The following SETD2 variants were observed in gnomAD, a reference collection of about 807,000 sequenced individuals.
SETD2 encodes the protein SET domain containing 2, histone lysine methyltransferase.
A neutral mutation model predicts 242.1 loss-of-function variants in SETD2; 31 were observed. That is an observed-to-expected ratio of 0.13 (90% CI 0.10 to 0.17). SETD2 has a LOEUF of 0.17. Ranked by LOEUF, SETD2 falls within the 10% of genes least tolerant of loss-of-function variation. The pLI is 1.00. For synonymous variants in SETD2, 1,006 were observed against 1,066.5 expected (o/e 0.94, Z 1.11); for missense variants, 2,481 against 3,046.3 (o/e 0.81, Z 4.37).
At chr3:47,155,825 T>G (rs1326983042) in intron 1 of SETD2, among the ~76,000 whole-genome samples, 1 of 152,006 alleles carries the variant, frequency 6.6e-6, no homozygotes, top group Non-Finnish European at 1.5e-5. Flanking sequence ...TAAAAAAGTG[T>G]TTTTTTGTTT....
At chr3:47,127,995 A>T (rs73079690) in intron 1 of SETD2, among the ~76,000 whole-genome samples, 32 of 23,472 alleles carry the variant, frequency 1.4e-3, no homozygotes, top group Middle Eastern at 0.024. Flanking sequence ...TCTCTCTCTC[A>T]CACACACACA....
At chr3:47,065,027 T>C (rs2040501343) in intron 13 of SETD2, among the ~76,000 whole-genome samples, 1 of 152,052 alleles carries the variant, frequency 6.6e-6, no homozygotes, top group Non-Finnish European at 1.5e-5. Context: ...CACACCAGAC[T>C]AGATATTTAC....
chr3:47,116,748 C>A lies in SETD2; in HGVS notation c.4461G>T (p.Lys1487Asn). The change falls in exon 4 of 21, where the codon AAG becomes AAT. Residue 1487 changes from lysine (K) to asparagine (N), a missense_variant. Lys to Asn is a moderately conservative substitution (Grantham distance 94). Transcript: ENST00000409792. ...GCTTAATATCTCGATGAGATTTATT[C>A]TTCTTTCTATTGGGTAAAATTTCAT... ...EENVYLTERKKNKSHRDIKRM... is the reference protein window; with the variant it reads ...EENVYLTERKNNKSHRDIKRM... 1 of 1,594,228 alleles carries A rather than the reference C, an allele frequency of 6.3e-7. No individual in the cohort carries two copies. The highest frequency in any genetic ancestry group is 1.1e-5 in the South Asian group (1 of 88,864).
At position 47,017,623 on chromosome 3, in the gene SETD2, A is replaced by G; in HGVS notation, c.7533+15T>C. ...AGAACATTGCCTGGTGGGCTACCAA[A>G]AGCAAGGGGAGTACCTTGCGAGCCA... On this transcript the variant is annotated intron_variant, in intron 20 of 20. Coordinates refer to ENST00000409792, the MANE Select transcript of SETD2 (RefSeq NM_014159.7). This position sits in a 1 kb window ranked among gnomAD's most constrained non-coding sequence, Gnocchi z 4.8. 6.3e-7 allele frequency: 1 copy of G among 1,581,880 alleles called. No individual in the cohort carries two copies. The highest frequency in any genetic ancestry group is 2.2e-5 in the East Asian group (1 of 44,722).
At chr3:47,075,538 T>A (rs1475041199) in intron 12 of SETD2, among the ~76,000 whole-genome samples, 1 of 117,540 alleles carries the variant, frequency 8.5e-6, no homozygotes, top group African/African-American at 3.4e-5. Context: ...CACTCCAGCC[T>A]GGGCAACAAA....
intron 2 of SETD2, 39 bp from the exon 3 acceptor site, chr3:47,124,587 A>G (rs1445494876): frequency 1.4e-5 from 20 of 1,480,500 alleles, no homozygotes; most frequent in South Asian, 4.1e-5. Context: ...ACTACAATAA[A>G]TAGTTACTTT....
chr3:47,127,574 T>G (rs778162643), intron 1 of SETD2: 12 of 452,106 alleles, frequency 2.7e-5, no homozygotes, highest in South Asian at 1.9e-4. Context: ...TTAAAAATAA[T>G]TTTTAGGCCA....
rs183442934 is a variant in SETD2, at chr3:47,016,484, G to C, written c.*609C>G. The C allele has an allele frequency of 4.3e-6, 1 of 232,760 alleles. No homozygotes were observed. The highest frequency in any genetic ancestry group is 6.1e-5 in the East Asian group (1 of 16,436). 14.4% of individuals were successfully genotyped at this position (232,760 alleles called of 1,614,324 possible). On this transcript the variant is annotated 3_prime_UTR_variant, in exon 21 of 21. Coordinates refer to ENST00000409792, the MANE Select transcript of SETD2 (RefSeq NM_014159.7). Reference sequence around the variant, plus strand: ...TACATAAAAAGTTCAGTAAAAATTGGATAAAGTAAAGTGATTTTAAGCAGT... The same window carrying C: ...TACATAAAAAGTTCAGTAAAAATTGCATAAAGTAAAGTGATTTTAAGCAGT...
chr3:47,152,395 A>G (rs1479024128), intron 1 of SETD2, among the ~76,000 whole-genome samples: 1 of 152,202 alleles, frequency 6.6e-6, no homozygotes, highest in African/African-American at 2.4e-5. Context: ...AACCAGATGT[A>G]TTTTCAACCA....
At chr3:47,158,449 C>T (rs965549973) in intron 1 of SETD2, among the ~76,000 whole-genome samples, 9 of 152,108 alleles carry the variant, frequency 5.9e-5, no homozygotes, top group Non-Finnish European at 1.0e-4. Flanking sequence ...ACTAAAACCC[C>T]CTCCTCTTCT....
At chr3:47,093,625 CTGATAT>C (rs2041891768) in intron 9 of SETD2, among the ~76,000 whole-genome samples, 1 of 152,092 alleles carries the variant, frequency 6.6e-6, no homozygotes, top group African/African-American at 2.4e-5. Context: ...TCTACTTTTT[CTGATAT>C]CATAAGCAAT....
chr3:47,020,473 A>G (rs2038169257), intron 18 of SETD2, among the ~76,000 whole-genome samples: 1 of 152,216 alleles, frequency 6.6e-6, no homozygotes, highest in African/African-American at 2.4e-5. Flanking sequence ...CCCAGCTGGC[A>G]AGATAATGAC....
At chr3:47,101,415 T>G (rs1438749409) in intron 8 of SETD2, 43 bp downstream of exon 8, 6 of 1,053,994 alleles carry the variant, frequency 5.7e-6, no homozygotes, top group Admixed American at 3.9e-5. Flanking sequence ...GAACAGCCTA[T>G]TTCCCCATCA....
chr3:47,089,116 CT>C (rs2041689132), intron 9 of SETD2, among the ~76,000 whole-genome samples: 1 of 152,096 alleles, frequency 6.6e-6, no homozygotes, highest in Non-Finnish European at 1.5e-5. Context: ...CAAAGCTGAA[CT>C]TTTTAGTGAT....
chr3:47,091,804 G>T (rs908140461), intron 9 of SETD2, among the ~76,000 whole-genome samples: 2 of 151,758 alleles, frequency 1.3e-5, no homozygotes, highest in Non-Finnish European at 2.9e-5. Flanking sequence ...AATTAGCCAG[G>T]TGTGGTGATG....
intron 1 of SETD2, among the ~76,000 whole-genome samples, chr3:47,128,157 T>C (rs1308212892): frequency 1.3e-5 from 2 of 152,362 alleles, no homozygotes; most frequent in African/African-American, 4.8e-5. Context: ...TCATATTTCA[T>C]CTTATGGATC....
chr3:47,070,126 C>T (rs915494815), intron 12 of SETD2, among the ~76,000 whole-genome samples: 2 of 152,182 alleles, frequency 1.3e-5, no homozygotes, highest in Non-Finnish European at 2.9e-5. Flanking sequence ...TAATTTATTA[C>T]ATAGGCCTCA....
At position 47,046,537 on chromosome 3, in the gene SETD2, C is replaced by T. The variant is rs199739297; in HGVS notation, c.7048G>A (p.Ala2350Thr). ...HPQGVVVQPA[A>T]AVTTIVAPGQ... is the part of the protein sequence containing the mutation. Reference sequence around the variant, plus strand: ...GGTGCAACTATTGTAGTCACTGCTGCGGCTGGCTGTACCACCACTCCTTGT... The same window carrying T: ...GGTGCAACTATTGTAGTCACTGCTGTGGCTGGCTGTACCACCACTCCTTGT... Residue 2350 changes from alanine to threonine, a missense_variant, in exon 16 of 21, where the codon GCA becomes ACA. By Grantham distance (58) the Ala-to-Thr change is moderately conservative (BLOSUM62 0). Around this residue, in one of 17 missense-constraint regions of SETD2, gnomAD observed 235 missense variants for 293.9 expected, o/e 0.80. Transcript: ENST00000409792. The T allele has an allele frequency of 3.6e-5, 58 of 1,613,108 alleles. No individual in the cohort carries two copies. In the Admixed American group the frequency reaches 5.2e-4, roughly 14 times the overall value.
At chr3:47,160,835 A>C (rs1337514309) in intron 1 of SETD2, among the ~76,000 whole-genome samples, 1 of 152,048 alleles carries the variant, frequency 6.6e-6, no homozygotes, top group Non-Finnish European at 1.5e-5. Flanking sequence ...TGTCCTCAAC[A>C]CCTGTCCCTG....
Sources: allele counts gnomAD v4.1 joint callset (sites outside exome capture counted in the v4.1 genomes callset), GRCh38; gene constraint gnomAD v4.1.1; regional missense constraint gnomAD v4.1.1; non-coding constraint Gnocchi (gnomAD v3.1); transcripts MANE v1.5; gene names NCBI Gene and HGNC (gene_info 2026-07-23, HGNC 2026-07-21).